Variants in KIAA1549L observed in about 807,000 individuals in gnomAD.
KIAA1549L encodes KIAA1549 like.
A neutral mutation model predicts 160.7 loss-of-function variants in KIAA1549L; 88 were observed. That is an observed-to-expected ratio of 0.55 (90% CI 0.46 to 0.65). The LOEUF (loss-of-function observed/expected upper bound fraction) is 0.65. Among genes scored for constraint, KIAA1549L ranks in the 30% least tolerant of loss-of-function variants. The pLI is 0.00. For synonymous variants in KIAA1549L, 950 were observed against 976.7 expected, an observed-to-expected ratio of 0.97 and a Z score of 0.51; for missense variants, 2,258 against 2,437.5, an observed-to-expected ratio of 0.93 and a Z score of 1.55.
At chr11:33,435,818 G>GTGTATATATATATATATATATATA (rs1554976830) in intron 1 of KIAA1549L, among the ~76,000 whole-genome samples, 1 of 45,308 alleles carries the variant, frequency 2.2e-5, no homozygotes, top group Non-Finnish European at 4.3e-5. Context: ...ATATGTGTGT[G>GTGTATATATATATATATATATATA]TATATATATA....
intron 1 of KIAA1549L, among the ~76,000 whole-genome samples, chr11:33,400,455 A>T (rs565001227): frequency 6.6e-6 from 1 of 152,230 alleles, no homozygotes; most frequent in South Asian, 2.1e-4. Context: ...TGAAATAACA[A>T]CTTCTACTGA....
At chr11:33,634,439 T>TA (rs1382394295) in intron 16 of KIAA1549L, among the ~76,000 whole-genome samples, 1 of 152,136 alleles carries the variant, frequency 6.6e-6, no homozygotes, top group Non-Finnish European at 1.5e-5. Flanking sequence ...AGATGGGCCG[T>TA]AGTACAAGGC....
chr11:33,473,629 G>A (rs1047641903), intron 1 of KIAA1549L, among the ~76,000 whole-genome samples: 5 of 152,268 alleles, frequency 3.3e-5, no homozygotes, highest in African/African-American at 1.2e-4. Flanking sequence ...CCGCTTCCGA[G>A]CATGGCATTC....
Position 33,542,918 on chromosome 11 carries a change from C to T in KIAA1549L, c.1355C>T (p.Ala452Val). Reference protein sequence around the residue: ...NDSANPLHLSAAPENSRGPAL... With the variant: ...NDSANPLHLSVAPENSRGPAL... ...TCTGCTAACCCGCTGCATTTGTCAGCAGCTCCAGAGAATTCCAGAGGGCCC... is the reference window on the plus strand; with the variant it reads ...TCTGCTAACCCGCTGCATTTGTCAGTAGCTCCAGAGAATTCCAGAGGGCCC... Residue 452 changes from alanine (A) to valine (V), a missense_variant, in exon 2 of 21, where the codon GCA becomes GTA. Physicochemically the swap from Ala to Val is moderately conservative, Grantham distance 64. Coordinates refer to ENST00000658780, the MANE Select transcript of KIAA1549L (RefSeq NM_012194.3). The T allele has an allele frequency of 1.2e-6, 2 of 1,614,054 alleles. No individual in the cohort carries two copies. The highest frequency in any genetic ancestry group is 1.3e-5 in the African/African-American group (1 of 75,078).
Position 33,464,446 on chromosome 11 carries a change from G to T in KIAA1549L, c.239-77356G>T, listed in dbSNP as rs77674418. ...ATAAGCCAACAGTCACGCATCATAG[G>T]CCCAAATGCCTGCAGAGCTGTGTGT... On this transcript the variant is annotated intron_variant, in intron 1 of 20. Coordinates refer to ENST00000658780, the MANE Select transcript of KIAA1549L (RefSeq NM_012194.3). Among the ~76,000 whole-genome samples the T allele has an allele frequency of 7.0e-3, 1,063 of 151,180 alleles. 15 individuals carry two copies. The highest frequency in any genetic ancestry group is 0.025 in the African/African-American group (1,025 of 41,042).
rs1850044596 is a variant in KIAA1549L, at chr11:33,591,315, G to A, written c.4645G>A (p.Glu1549Lys). 6.2e-7 allele frequency: 1 copy of A among 1,613,270 alleles called. No homozygotes were observed. Among genetic ancestry groups the A allele is most frequent in the African/African-American group, 1.3e-5 (1 of 75,030 alleles). The change falls in exon 12 of 21, where the codon GAG becomes AAG. Residue 1549 changes from glutamate (E) to lysine (K), a missense_variant. This residue lies in a region of KIAA1549L where 1,359 missense variants were observed against 1,546.6 expected (regional missense o/e 0.88). Coordinates refer to ENST00000658780, the MANE Select transcript of KIAA1549L (RefSeq NM_012194.3). ...ADEEVIPVTQ[E>K]TVVLPLPIRD... ...TGAGGAGGTCATCCCTGTGACTCAG[G>A]AGACAGTGGTTCTCCCACTGCCCAT... is the stretch of plus-strand genomic sequence containing the variant.
At chr11:33,554,529 A>G (rs1355284539) in intron 6 of KIAA1549L, among the ~76,000 whole-genome samples, 2 of 152,192 alleles carry the variant, frequency 1.3e-5, no homozygotes, top group Non-Finnish European at 2.9e-5. Flanking sequence ...TTTGCTCTGC[A>G]CGGGCATTGT....
intron 1 of KIAA1549L, among the ~76,000 whole-genome samples, chr11:33,498,498 T>A (rs1387163983): frequency 1.3e-5 from 2 of 152,186 alleles, no homozygotes; most frequent in African/African-American, 4.8e-5. Context: ...AGGACCAACT[T>A]GGATAGCTAC....
intron 11 of KIAA1549L, among the ~76,000 whole-genome samples, chr11:33,584,661 C>T (rs191344667): frequency 1.1e-3 from 175 of 152,314 alleles, no homozygotes; most frequent in African/African-American, 2.7e-3. Context: ...TGAGGTAGCT[C>T]GTAGTCAGGG....
At chr11:33,474,408 C>T (rs905989469) in intron 1 of KIAA1549L, among the ~76,000 whole-genome samples, 3 of 152,230 alleles carry the variant, frequency 2.0e-5, no homozygotes, top group Admixed American at 2.0e-4. Flanking sequence ...TTGCTCGTTG[C>T]TCTTCTGTGA....
At chr11:33,476,431 G>T (rs1353515051) in intron 1 of KIAA1549L, among the ~76,000 whole-genome samples, 4 of 152,192 alleles carry the variant, frequency 2.6e-5, no homozygotes, top group Admixed American at 2.6e-4. Context: ...ACTAGTAGAT[G>T]CTAGACGCCC....
intron 1 of KIAA1549L, among the ~76,000 whole-genome samples, chr11:33,531,324 A>C (rs531099831): frequency 6.6e-4 from 100 of 152,218 alleles, no homozygotes; most frequent in Non-Finnish European, 1.2e-3. Flanking sequence ...AATACAAAAA[A>C]TTTAGCCAGC....
At chr11:33,459,144 A>G (rs983664856) in intron 1 of KIAA1549L, among the ~76,000 whole-genome samples, 23 of 152,086 alleles carry the variant, frequency 1.5e-4, no homozygotes, top group African/African-American at 5.6e-4. Context: ...CTTTATTTCA[A>G]CTCTACAGCA....
chr11:33,491,197 G>C (rs949403236), intron 1 of KIAA1549L, among the ~76,000 whole-genome samples: 3 of 152,202 alleles, frequency 2.0e-5, no homozygotes, highest in African/African-American at 7.2e-5. Flanking sequence ...TGCAGGTATA[G>C]TGAGAAGCCT....
chr11:33,572,558 AC>A (rs753249923), intron 9 of KIAA1549L, among the ~76,000 whole-genome samples: 24 of 152,228 alleles, frequency 1.6e-4, no homozygotes, highest in Non-Finnish European at 3.2e-4. Flanking sequence ...ATCCTACAGT[AC>A]ATACTCTTTT....
At chr11:33,419,907 T>TACATAC (rs1463322707) in intron 1 of KIAA1549L, among the ~76,000 whole-genome samples, 22 of 35,476 alleles carry the variant, frequency 6.2e-4, no homozygotes, top group South Asian at 1.2e-3. Flanking sequence ...CATACATACA[T>TACATAC]ATATATATAT....
chr11:33,468,882 A>T (rs535991728), intron 1 of KIAA1549L, among the ~76,000 whole-genome samples: 1 of 152,322 alleles, frequency 6.6e-6, no homozygotes, highest in African/African-American at 2.4e-5. Context: ...AGAAACATCA[A>T]CAAATAGTTT....
chr11:33,607,448 G>A lies in KIAA1549L; in HGVS notation c.5061+626G>A, dbSNP rs140296596. ...TTAGATAGATAGATGCCAGAAGTTA[G>A]GTAAAAATTATCTGCATTTCCTTCA... is the stretch of plus-strand genomic sequence containing the variant. On this transcript the variant is annotated intron_variant, in intron 14 of 20. Transcript: ENST00000658780. Among the ~76,000 whole-genome samples, 1,276 of 152,238 alleles carry A rather than the reference G, an allele frequency of 8.4e-3. 5 individuals are homozygous for A. The highest frequency in any genetic ancestry group is 0.013 in the Non-Finnish European group (892 of 68,020).
intron 1 of KIAA1549L, among the ~76,000 whole-genome samples, chr11:33,530,619 C>G (rs974014592): frequency 5.3e-5 from 8 of 151,452 alleles, no homozygotes; most frequent in African/African-American, 1.9e-4. Flanking sequence ...GAAGAACCCC[C>G]CTAAGTCCCA....
Sources: gnomAD v4.1 joint callset for allele counts (sites outside exome capture counted in the v4.1 genomes callset) on GRCh38, gnomAD v4.1.1 for gene constraint, gnomAD v4.1.1 regional missense constraint, MANE v1.5 for transcripts, NCBI Gene and HGNC (gene_info 2026-07-23, HGNC 2026-07-21) for gene names.